MYCBP2: variants seen among roughly 807,000 people sequenced by gnomAD.
MYCBP2 encodes E3 ubiquitin-protein ligase MYCBP2.
A neutral mutation model predicts 525.3 loss-of-function variants in MYCBP2; 120 were observed. The observed-to-expected ratio is 0.23, with a 90% CI of 0.20 to 0.27. MYCBP2 has a LOEUF of 0.27. MYCBP2 is among the 10% of genes least tolerant of loss of function. MYCBP2 has a pLI of 1.00. For missense variants in MYCBP2, 4,149 were observed against 5,657.1 expected (o/e 0.73, Z 8.55); for synonymous variants, 1,894 against 1,955.8 (o/e 0.97, Z 0.83).
rs1208772306 is a variant in MYCBP2 at position 77,191,779 on chromosome 13, G to C, written c.3970C>G (p.Leu1324Val). 10 of 1,614,032 alleles carry C rather than the reference G, an allele frequency of 6.2e-6. No homozygotes were observed. In the South Asian group the frequency reaches 7.7e-5, roughly 12 times the overall value. ...KYAMMFDEPV[L>V]LQAGWWYVAW... is the part of the protein sequence containing the mutation. ...ACATACCACCACCCAGCTTGCAGGAGAACAGGCTCATCAAACATCATTGCA... is the reference window on the plus strand; with the variant it reads ...ACATACCACCACCCAGCTTGCAGGACAACAGGCTCATCAAACATCATTGCA... Residue 1324 changes from leucine to valine, a missense_variant, in exon 28 of 83, where the codon CTC (leucine) becomes GTC (valine). This residue lies in a region of MYCBP2 where 620 missense variants were observed against 795.5 expected (regional missense o/e 0.78). Transcript: ENST00000544440.
rs773457145 is a variant in MYCBP2, at chr13:77,273,608, G to A, written c.809C>T (p.Thr270Ile). Residue 270 changes from threonine to isoleucine, a missense_variant, in exon 5 of 83, where the codon ACA becomes ATA. Around this residue, in one of 21 missense-constraint regions of MYCBP2, gnomAD observed 413 missense variants for 451.2 expected, o/e 0.92. Transcript: ENST00000544440. ...GGAAAGTGCTGTTAAGGACTGTCCT[G>A]TGCTGTCATTCATCCCAGTACTTCG... Reference protein sequence around the residue: ...TVRSTGMNDSTGQSLTALSCA... With the variant: ...TVRSTGMNDSIGQSLTALSCA... The A allele has an allele frequency of 6.3e-7, 1 of 1,599,646 alleles. No individual in the cohort carries two copies. Among genetic ancestry groups the A allele is most frequent in the Non-Finnish European group, 8.5e-7 (1 of 1,176,242 alleles).
At chr13:77,137,585 T>C (rs2053951312) in intron 52 of MYCBP2, among the ~76,000 whole-genome samples, 1 of 151,992 alleles carries the variant, frequency 6.6e-6, no homozygotes, top group African/African-American at 2.4e-5. Flanking sequence ...AGACCCCATC[T>C]CTATATTTTT....
intron 40 of MYCBP2, among the ~76,000 whole-genome samples, chr13:77,167,108 CTGAGG>C (rs1227021518): frequency 6.6e-6 from 1 of 151,648 alleles, no homozygotes; most frequent in African/African-American, 2.4e-5. Context: ...AGAAAGGAGA[CTGAGG>C]TGTGTCTGTG....
chr13:77,114,736 T>C (rs956558451), intron 55 of MYCBP2, among the ~76,000 whole-genome samples: 6 of 152,046 alleles, frequency 3.9e-5, no homozygotes, highest in East Asian at 1.9e-4. Flanking sequence ...AGATGTCTAC[T>C]ATGTACCCAT....
chr13:77,071,465 T>A (rs1476123729), intron 68 of MYCBP2, among the ~76,000 whole-genome samples: 1 of 152,132 alleles, frequency 6.6e-6, no homozygotes, highest in Admixed American at 6.5e-5. Flanking sequence ...GAAGAGAATG[T>A]CCCTTTCGCC....
chr13:77,089,737 C>T (rs976826095), intron 60 of MYCBP2, among the ~76,000 whole-genome samples: 1 of 151,226 alleles, frequency 6.6e-6, no homozygotes. Context: ...CAAGAGTTAT[C>T]AAGCTTCAGT....
At chr13:77,150,996 C>G in intron 46 of MYCBP2, 47 bp from the exon 47 acceptor site, 1 of 1,468,640 alleles carries the variant, frequency 6.8e-7, no homozygotes, top group Non-Finnish European at 9.5e-7. Flanking sequence ...ATTTAATTGT[C>G]ACTGACATCA....
intron 47 of MYCBP2, among the ~76,000 whole-genome samples, chr13:77,150,380 G>A (rs949728425): frequency 1.3e-5 from 2 of 152,144 alleles, no homozygotes; most frequent in Non-Finnish European, 2.9e-5. Context: ...GGCCTCAAGT[G>A]ATGTTCCCTC....
At chr13:77,145,296 T>A (rs2055347244) in intron 48 of MYCBP2, among the ~76,000 whole-genome samples, 1 of 152,194 alleles carries the variant, frequency 6.6e-6, no homozygotes, top group Admixed American at 6.6e-5. Context: ...ACTCTTCCTA[T>A]CTTGAAATAC....
intron 36 of MYCBP2, among the ~76,000 whole-genome samples, chr13:77,175,939 A>T (rs1184523870): frequency 6.6e-6 from 1 of 151,820 alleles, no homozygotes; most frequent in Non-Finnish European, 1.5e-5. Context: ...CCTGGGCGAC[A>T]GAGTGAGACT....
intron 30 of MYCBP2, among the ~76,000 whole-genome samples, chr13:77,187,515 C>A (rs1019681458): frequency 1.8e-4 from 27 of 151,866 alleles, no homozygotes; most frequent in African/African-American, 5.3e-4. Flanking sequence ...GATGAAATAA[C>A]AAAAAATGAG....
At chr13:77,270,602 A>G in intron 5 of MYCBP2, 64 bp from the exon 6 acceptor site, 1 of 1,444,734 alleles carries the variant, frequency 6.9e-7, no homozygotes, top group Non-Finnish European at 9.3e-7. Flanking sequence ...CAGAACAAAG[A>G]TACTTTGGTA....
chr13:77,198,560 T>G (rs1356334607), intron 26 of MYCBP2, among the ~76,000 whole-genome samples: 6 of 152,196 alleles, frequency 3.9e-5, no homozygotes, highest in Non-Finnish European at 7.3e-5. Flanking sequence ...CTCTTTCACT[T>G]TTAGAGCAAA....
chr13:77,293,324 G>A (rs1322591786), intron 2 of MYCBP2, among the ~76,000 whole-genome samples: 1 of 152,160 alleles, frequency 6.6e-6, no homozygotes. Flanking sequence ...TCTGGCTATG[G>A]TATACTTGAG....
rs771734409 is a variant in MYCBP2 at position 77,150,770 on chromosome 13, C to T, written c.7095G>A (p.Val2365=). 1 of 1,614,104 alleles carries T rather than the reference C, an allele frequency of 6.2e-7. No homozygotes were observed. Among genetic ancestry groups the T allele is most frequent in the Non-Finnish European group, 8.5e-7 (1 of 1,180,006 alleles). ...KLDVSYEPMI[V]KEARYIAITM... is the part of the protein sequence containing the mutation. Reference sequence around the variant, plus strand: ...TTATGGCAATATATCGAGCTTCCTTCACTATCATTGGTTCATATGAAACAT... The same window carrying T: ...TTATGGCAATATATCGAGCTTCCTTTACTATCATTGGTTCATATGAAACAT... The change falls in exon 47 of 83, where the codon GTG becomes GTA. Residue 2365 remains valine, a synonymous_variant. Coordinates refer to ENST00000544440, the MANE Select transcript of MYCBP2 (RefSeq NM_015057.5).
intron 15 of MYCBP2, among the ~76,000 whole-genome samples, chr13:77,250,658 T>A (rs2071040144): frequency 6.6e-6 from 1 of 152,214 alleles, no homozygotes; most frequent in Non-Finnish European, 1.5e-5. Context: ...AGAACAAGGA[T>A]AAATATAGCA....
rs140947279 is a variant in MYCBP2 at position 77,127,841 on chromosome 13, G to C, written c.7660-1299C>G. Reference sequence around the variant, plus strand: ...GTTAATTCCATACATGACTGGTCAGGGAAAATGTTAAAGTCACCATTAACT... The same window carrying C: ...GTTAATTCCATACATGACTGGTCAGCGAAAATGTTAAAGTCACCATTAACT... On this transcript the variant is annotated intron_variant, in intron 52 of 82. Transcript: ENST00000544440. 9.3e-3 allele frequency among the ~76,000 whole-genome samples: 1,415 copies of C among 151,768 alleles called. 21 individuals carry two copies. The highest frequency in any genetic ancestry group is 0.032 in the African/African-American group (1,321 of 41,462).
intron 4 of MYCBP2, among the ~76,000 whole-genome samples, chr13:77,276,203 T>C (rs2075559796): frequency 6.6e-6 from 1 of 152,188 alleles, no homozygotes; most frequent in Admixed American, 6.5e-5. Flanking sequence ...TAAGGAAATA[T>C]ATTTTTAAAT....
intron 21 of MYCBP2, among the ~76,000 whole-genome samples, chr13:77,213,882 T>G (rs943312935): frequency 6.6e-6 from 1 of 152,200 alleles, no homozygotes; most frequent in Non-Finnish European, 1.5e-5. Flanking sequence ...CTATGTTTCC[T>G]GTAAGCAGAA....
Sources: allele counts gnomAD v4.1 joint callset (sites outside exome capture counted in the v4.1 genomes callset), GRCh38; gene constraint gnomAD v4.1.1; regional missense constraint gnomAD v4.1.1; transcripts MANE v1.5; gene names NCBI Gene and HGNC (gene_info 2026-07-23, HGNC 2026-07-21).